The following AKAP13 variants were observed in gnomAD, a reference collection of about 807,000 sequenced individuals.
AKAP13 encodes A-kinase anchoring protein 13.
A neutral mutation model predicts 264.5 loss-of-function variants in AKAP13; 80 were observed. The ratio of observed to expected loss-of-function variants is 0.30; its 90% CI spans 0.25 to 0.36. AKAP13 has a LOEUF of 0.36. Among genes scored for constraint, AKAP13 ranks in the 10% least tolerant of loss-of-function variants. The probability of loss-of-function intolerance (pLI) is 1.00; values close to 1 mark genes in which losing one functional copy is unlikely to be tolerated. For missense variants in AKAP13, 3,712 were observed against 3,435.2 expected (o/e 1.08, Z -2.01); for synonymous variants, 1,380 against 1,250.2 (o/e 1.10, Z -2.19).
intron 1 of AKAP13, among the ~76,000 whole-genome samples, chr15:85,457,272 C>T (rs4407021): frequency 0.52 from 78,607 of 151,992 alleles, 20,788 homozygotes; most frequent in Admixed American, 0.57. Flanking sequence ...GAGGGCCTAC[C>T]GTAATATATC....
chr15:85,442,146 T>C (rs550091178), intron 1 of AKAP13, among the ~76,000 whole-genome samples: 15 of 151,978 alleles, frequency 9.9e-5, no homozygotes, highest in African/African-American at 3.1e-4. Context: ...GCGCGGTGGC[T>C]CATGCCTGTA....
At chr15:85,530,475 G>A (rs2077210804) in intron 3 of AKAP13, among the ~76,000 whole-genome samples, 1 of 152,194 alleles carries the variant, frequency 6.6e-6, no homozygotes, top group African/African-American at 2.4e-5. Context: ...TAAATGGATA[G>A]GGCTGTGGAT....
rs550367797 is a variant in AKAP13 at position 85,619,872 on chromosome 15, A to C, written c.4162-19502A>C. The C allele has an allele frequency of 7.9e-6, 11 of 1,399,814 alleles. No individual in the cohort carries two copies. The South Asian group carries it at 1.8e-4, about 23-fold the overall frequency. The allele number at this position is 1,399,814 out of a possible 1,614,324, so 86.7% of individuals were successfully genotyped here. ...ATCTTTCCAGCACTCTGAAGTTATC[A>C]GCAAGTTCTCAGTCAGTTCAAGGCA... On this transcript the variant is annotated intron_variant, in intron 8 of 36. Coordinates refer to ENST00000394518, the MANE Select transcript of AKAP13 (RefSeq NM_007200.5).
intron 1 of AKAP13, among the ~76,000 whole-genome samples, chr15:85,453,187 C>T (rs2150982797): frequency 6.6e-6 from 1 of 152,318 alleles, no homozygotes; most frequent in African/African-American, 2.4e-5. Flanking sequence ...GTGGCAAGGG[C>T]AGTTCCACAG....
chr15:85,592,677 C>T (rs1040481402), intron 8 of AKAP13, among the ~76,000 whole-genome samples: 2 of 152,144 alleles, frequency 1.3e-5, no homozygotes, highest in Non-Finnish European at 2.9e-5. Context: ...AAATTTAATT[C>T]TCAGTTTTTT....
At chr15:85,669,473 C>A (rs967764462) in intron 13 of AKAP13, among the ~76,000 whole-genome samples, 1 of 152,174 alleles carries the variant, frequency 6.6e-6, no homozygotes, top group African/African-American at 2.4e-5. Flanking sequence ...AATGGATACT[C>A]TAATGATCCC....
At chr15:85,668,891 C>A (rs913814217) in intron 13 of AKAP13, among the ~76,000 whole-genome samples, 1 of 147,594 alleles carries the variant, frequency 6.8e-6, no homozygotes, top group African/African-American at 2.5e-5. Flanking sequence ...TGCAATGAGC[C>A]GAGATCATGC....
At chr15:85,391,629 T>C (rs2070861614) in intron 1 of AKAP13, among the ~76,000 whole-genome samples, 1 of 148,024 alleles carries the variant, frequency 6.8e-6, no homozygotes, top group South Asian at 2.1e-4. Context: ...GGACCACCGG[T>C]GTGCACCACC....
chr15:85,579,488 A>C lies in AKAP13; in HGVS notation c.1420A>C (p.Ser474Arg), dbSNP rs893628283. 29 of 1,614,194 alleles carry C rather than the reference A, an allele frequency of 1.8e-5. No homozygotes were observed. Among genetic ancestry groups the C allele is most frequent in the Non-Finnish European group, 2.5e-5 (29 of 1,180,010 alleles). Reference protein sequence around the residue: ...ELGGISTTNVSTPDTAGEMEH... With the variant: ...ELGGISTTNVRTPDTAGEMEH... ...GGGAGGCATTTCAACAACAAATGTC[A>C]GTACCCCAGACACTGCAGGGGAAAT... Residue 474 changes from serine (S) to arginine (R), a missense_variant, in exon 7 of 37, where the codon AGT (serine) becomes CGT (arginine). Physicochemically the swap from Ser to Arg is moderately radical, Grantham distance 110. Transcript: ENST00000394518.
At chr15:85,562,564 C>CAAA (rs1253215813) in intron 5 of AKAP13, among the ~76,000 whole-genome samples, 59 of 33,868 alleles carry the variant, frequency 1.7e-3, no homozygotes, top group African/African-American at 3.5e-3. Context: ...GAATCTGCCT[C>CAAA]AAAAAAAAAA....
chr15:85,406,484 G>A (rs747907219), intron 1 of AKAP13, among the ~76,000 whole-genome samples: 3 of 147,566 alleles, frequency 2.0e-5, no homozygotes, highest in African/African-American at 5.2e-5. Context: ...CATATTGCTC[G>A]TTGCTGGACA....
At position 85,727,926 on chromosome 15, in the gene AKAP13, G is replaced by GGTAT. The variant is rs113728756; in HGVS notation, c.7087+468_7087+471dup. Among the ~76,000 whole-genome samples, 1 of 152,248 alleles carries GGTAT rather than the reference G, an allele frequency of 6.6e-6. No individual in the cohort carries two copies. Among genetic ancestry groups the GGTAT allele is most frequent in the African/African-American group, 2.4e-5 (1 of 41,536 alleles). Reference sequence around the variant, plus strand: ...TTGTGAGGTGAAGTTTTGGGAGCAGGGTATGTATCAATCTATGTTTGACCC... The same window carrying GGTAT: ...TTGTGAGGTGAAGTTTTGGGAGCAGGGTATGTATGTATCAATCTATGTTTGACCC... On this transcript the variant is annotated intron_variant, in intron 29 of 36. Coordinates refer to ENST00000394518, the MANE Select transcript of AKAP13 (RefSeq NM_007200.5). This position sits in a 1 kb window ranked among gnomAD's most constrained non-coding sequence, Gnocchi z 5.3.
Position 85,669,847 on chromosome 15 carries a change from T to C in AKAP13, c.5101+17T>C, listed in dbSNP as rs1449598139. 7 of 1,504,984 alleles carry C rather than the reference T, an allele frequency of 4.7e-6. No individual in the cohort carries two copies. The highest frequency in any genetic ancestry group is 6.4e-6 in the Non-Finnish European group (7 of 1,089,928). The allele number at this position is 1,504,984 out of a possible 1,614,324, so 93.2% of individuals were successfully genotyped here. A position where few individuals can be genotyped will look rare whatever the true frequency, so the allele number is the denominator to read the frequency against. On this transcript the variant is annotated intron_variant, in intron 14 of 36. Coordinates refer to ENST00000394518, the MANE Select transcript of AKAP13 (RefSeq NM_007200.5). ...GATTGGACAGTGAGTATACTACTTT[T>C]TAAAAAAATTAAATATATTAAATCT...
chr15:85,548,422 G>T (rs1003241558), intron 5 of AKAP13, among the ~76,000 whole-genome samples: 2 of 152,136 alleles, frequency 1.3e-5, no homozygotes, highest in African/African-American at 4.8e-5. Context: ...CTTGGAGAAA[G>T]ATGGTAGTAT....
intron 1 of AKAP13, among the ~76,000 whole-genome samples, chr15:85,414,437 A>G (rs117660861): frequency 3.4e-3 from 518 of 152,320 alleles, no homozygotes; most frequent in Non-Finnish European, 5.4e-3. Context: ...GAACTAGTCA[A>G]TAGCTTTGTA....
intron 2 of AKAP13, among the ~76,000 whole-genome samples, chr15:85,495,338 TG>T (rs1567087020): frequency 1.3e-5 from 2 of 152,214 alleles, no homozygotes; most frequent in African/African-American, 2.4e-5. Flanking sequence ...TCTGTGCAGC[TG>T]TAACTCCAGA....
At chr15:85,722,500 G>A (rs559834694) in intron 25 of AKAP13, among the ~76,000 whole-genome samples, 153 bp downstream of exon 25, 1 of 152,144 alleles carries the variant, frequency 6.6e-6, no homozygotes, top group African/African-American at 2.4e-5. Flanking sequence ...ATGAAAATTT[G>A]GACTGTTATG....
chr15:85,663,867 ACCAATATC>A (rs758552264), intron 12 of AKAP13, among the ~76,000 whole-genome samples: 1 of 152,190 alleles, frequency 6.6e-6, no homozygotes. Flanking sequence ...TGTTCCCTTT[ACCAATATC>A]CAGGCAAAAA....
chr15:85,486,342 A>T (rs1304885962), intron 2 of AKAP13, among the ~76,000 whole-genome samples: 1 of 152,036 alleles, frequency 6.6e-6, no homozygotes, highest in Non-Finnish European at 1.5e-5. Flanking sequence ...AGTCACAGAG[A>T]TTTATTCCTA....
Sources: gnomAD v4.1 joint callset for allele counts (sites outside exome capture counted in the v4.1 genomes callset) on GRCh38, gnomAD v4.1.1 for gene constraint, Gnocchi (gnomAD v3.1) non-coding constraint, MANE v1.5 for transcripts, NCBI Gene and HGNC (gene_info 2026-07-23, HGNC 2026-07-21) for gene names.